The following MAP2 variants were observed in gnomAD, a reference collection of about 807,000 sequenced individuals.
MAP2 encodes microtubule associated protein 2, also known as microtubule-associated protein 2.
Under a neutral mutation model 137.6 loss-of-function variants are expected in MAP2, and 14 were observed. The ratio of observed to expected loss-of-function variants is 0.10; its 90% CI spans 0.07 to 0.16. MAP2 has a LOEUF of 0.16. Ranked by LOEUF, MAP2 falls within the 10% of genes least tolerant of loss-of-function variation. The probability of loss-of-function intolerance (pLI) is 1.00; values close to 1 mark genes in which losing one functional copy is unlikely to be tolerated. For synonymous variants in MAP2, 786 were observed against 782.3 expected (o/e 1.00, Z -0.08); for missense variants, 2,088 against 2,191.5 (o/e 0.95, Z 0.94).
chr2:209,590,531 C>T (rs1470467063), intron 3 of MAP2, among the ~76,000 whole-genome samples: 2 of 152,088 alleles, frequency 1.3e-5, no homozygotes, highest in African/African-American at 4.8e-5. Context: ...GACGGTGTTT[C>T]TCCACATTGG....
intron 3 of MAP2, among the ~76,000 whole-genome samples, chr2:209,591,215 C>T (rs892931733): frequency 6.6e-6 from 1 of 152,322 alleles, no homozygotes; most frequent in Non-Finnish European, 1.5e-5. Context: ...GGCTTTTCCC[C>T]TAACCTGTGG....
At chr2:209,696,883 T>C (rs1428962795) in intron 9 of MAP2, 34 bp from the exon 10 acceptor site, 1 of 1,578,430 alleles carries the variant, frequency 6.3e-7, no homozygotes, top group South Asian at 1.2e-5. Flanking sequence ...TATTTTTTCC[T>C]GATGGTATGC....
Position 209,560,268 on chromosome 2 carries a change from AT to A in MAP2, c.-171-19767del, listed in dbSNP as rs371575167. Among the ~76,000 whole-genome samples the A allele has an allele frequency of 3.5e-4, 53 of 152,338 alleles. No individual in the cohort carries two copies. The East Asian group carries it at 9.2e-3, about 27-fold the overall frequency. ...GATACATTGAAATCTTTTCAAAAAA[AT>A]GAAACATTTATGTGAAGAATGATAA... On this transcript the variant is annotated intron_variant, in intron 2 of 15. Coordinates refer to ENST00000682079, the MANE Select transcript of MAP2 (RefSeq NM_001375505.1).
At chr2:209,565,911 G>GA (rs1223593572) in intron 2 of MAP2, among the ~76,000 whole-genome samples, 2 of 152,212 alleles carry the variant, frequency 1.3e-5, no homozygotes, top group Non-Finnish European at 2.9e-5. Context: ...CGACTGCACA[G>GA]ATGTTTAAGA....
chr2:209,490,539 G>A (rs186620181), intron 1 of MAP2, among the ~76,000 whole-genome samples: 81 of 137,044 alleles, frequency 5.9e-4, no homozygotes, highest in African/African-American at 1.6e-3. Flanking sequence ...GACCCATCTC[G>A]TGTGCAAAGA....
chr2:209,513,149 A>G (rs749170059), intron 2 of MAP2, among the ~76,000 whole-genome samples: 4 of 152,128 alleles, frequency 2.6e-5, no homozygotes, highest in Non-Finnish European at 5.9e-5. Context: ...GGATGTTCTT[A>G]ATGTCTAACC....
intron 1 of MAP2, among the ~76,000 whole-genome samples, chr2:209,440,235 A>G (rs1012110009): frequency 2.0e-5 from 3 of 151,532 alleles, no homozygotes; most frequent in Non-Finnish European, 4.4e-5. Context: ...TGAGTAAATC[A>G]ATGAATAGTT....
chr2:209,451,945 G>A (rs1281778415), intron 1 of MAP2, among the ~76,000 whole-genome samples: 3 of 152,014 alleles, frequency 2.0e-5, no homozygotes, highest in African/African-American at 7.2e-5. Context: ...TTTTAAAATC[G>A]ATGAATTTTA....
chr2:209,643,545 A>G (rs775840451), intron 4 of MAP2, among the ~76,000 whole-genome samples: 4 of 152,228 alleles, frequency 2.6e-5, no homozygotes, highest in Non-Finnish European at 5.9e-5. Flanking sequence ...CTAATGGTAA[A>G]GAAAATTGTA....
rs2075915428 is a variant in MAP2, at chr2:209,732,603, A to G, written c.*2206A>G. The G allele has an allele frequency of 6.6e-6, 1 of 152,544 alleles. No individual in the cohort carries two copies. The allele number at this position is 152,544 out of a possible 1,614,324, so 9.4% of individuals were successfully genotyped here. A position where few individuals can be genotyped will look rare whatever the true frequency, so the allele number is the denominator to read the frequency against. ...TTATTACATGTTTTCATAGTCTTAA[A>G]TAGTGATTAAATTTCTCTAGAAAGA... On this transcript the variant is annotated 3_prime_UTR_variant, in exon 16 of 16. Transcript: ENST00000682079.
At chr2:209,578,152 C>A (rs1412220858) in intron 2 of MAP2, among the ~76,000 whole-genome samples, 2 of 152,076 alleles carry the variant, frequency 1.3e-5, no homozygotes, top group African/African-American at 4.8e-5. Flanking sequence ...GGTTTTGTGA[C>A]CTTGGTCATA....
chr2:209,532,262 GAGA>G (rs1253409492), intron 2 of MAP2, among the ~76,000 whole-genome samples: 3 of 147,770 alleles, frequency 2.0e-5, no homozygotes, highest in Non-Finnish European at 3.0e-5. Flanking sequence ...AAAAAAAGAA[GAGA>G]AGGAGGAAGA....
At chr2:209,690,234 A>G (rs922479933) in intron 7 of MAP2, among the ~76,000 whole-genome samples, 2 of 151,928 alleles carry the variant, frequency 1.3e-5, no homozygotes, top group African/African-American at 2.4e-5. Flanking sequence ...TTTCACAACC[A>G]TCTGTTATCC....
intron 3 of MAP2, among the ~76,000 whole-genome samples, chr2:209,589,528 G>T (rs1445772749): frequency 6.6e-6 from 1 of 152,158 alleles, no homozygotes; most frequent in Non-Finnish European, 1.5e-5. Flanking sequence ...TAAGTGGATT[G>T]CCCTACCTTA....
At chr2:209,644,182 A>G (rs1178790565) in intron 4 of MAP2, among the ~76,000 whole-genome samples, 2 of 152,232 alleles carry the variant, frequency 1.3e-5, no homozygotes, top group Admixed American at 6.5e-5. Context: ...ACCAAAGATC[A>G]CTTCAGTTTT....
intron 4 of MAP2, among the ~76,000 whole-genome samples, chr2:209,635,566 AT>A (rs1174084480): frequency 2.6e-5 from 4 of 152,014 alleles, no homozygotes; most frequent in African/African-American, 9.7e-5. Flanking sequence ...AAACATTACT[AT>A]TTACGTGGAG....
At chr2:209,597,983 T>C (rs372377527) in intron 3 of MAP2, among the ~76,000 whole-genome samples, 33 of 152,060 alleles carry the variant, frequency 2.2e-4, no homozygotes, top group African/African-American at 7.7e-4. Context: ...TCTCCATGAG[T>C]GTCTGTCCTA....
chr2:209,565,603 G>A (rs2073228057), intron 2 of MAP2, among the ~76,000 whole-genome samples: 1 of 152,126 alleles, frequency 6.6e-6, no homozygotes, highest in Admixed American at 6.6e-5. Context: ...TCTTTAAAAT[G>A]TCAGTCATAG....
intron 1 of MAP2, among the ~76,000 whole-genome samples, chr2:209,484,001 G>T (rs905334400): frequency 6.6e-6 from 1 of 152,108 alleles, no homozygotes; most frequent in African/African-American, 2.4e-5. Context: ...GGAGCTGGGA[G>T]CTGTATCTCA....
Sources: gnomAD v4.1 joint callset for allele counts (sites outside exome capture counted in the v4.1 genomes callset) on GRCh38, gnomAD v4.1.1 for gene constraint, MANE v1.5 for transcripts, NCBI Gene and HGNC (gene_info 2026-07-23, HGNC 2026-07-21) for gene names.